PHYHIPL: variants seen among roughly 807,000 people sequenced by gnomAD.
The protein encoded by PHYHIPL is phytanoyl-CoA hydroxylase-interacting protein-like.
A neutral mutation model predicts 33.4 loss-of-function variants in PHYHIPL; 9 were observed. That is an observed-to-expected ratio of 0.27 (90% CI 0.16 to 0.47). PHYHIPL has a LOEUF of 0.47. PHYHIPL is among the 20% of genes least tolerant of loss of function. PHYHIPL has a pLI of 0.99. For missense variants in PHYHIPL, 365 were observed against 460.7 expected, an observed-to-expected ratio of 0.79 and a Z score of 1.90; for synonymous variants, 153 against 154.1, an observed-to-expected ratio of 0.99 and a Z score of 0.05.
intron 1 of PHYHIPL, chr10:59,221,608 C>G (rs1435648220): frequency 1.2e-6 from 1 of 869,110 alleles, no homozygotes; most frequent in Non-Finnish European, 1.4e-6. Flanking sequence ...AGTGTGAAGC[C>G]TTAATTTTGT....
chr10:59,240,298 G>A (rs960015144), intron 4 of PHYHIPL, among the ~76,000 whole-genome samples: 5 of 151,988 alleles, frequency 3.3e-5, no homozygotes, highest in African/African-American at 1.2e-4. Flanking sequence ...CAAGGAAGGT[G>A]TTTCTTTATA....
intron 1 of PHYHIPL, among the ~76,000 whole-genome samples, chr10:59,220,963 T>G (rs1485738763): frequency 1.3e-5 from 2 of 152,052 alleles, no homozygotes; most frequent in African/African-American, 4.8e-5. Flanking sequence ...AATAAGTGCT[T>G]AATAAATGTT....
At chr10:59,222,304 A>T (rs1230444392) in intron 1 of PHYHIPL, among the ~76,000 whole-genome samples, 2 of 152,170 alleles carry the variant, frequency 1.3e-5, no homozygotes, top group East Asian at 3.9e-4. Flanking sequence ...ACTGTAAAAA[A>T]TGCAGGTAAC....
rs970702138 is a variant in PHYHIPL at position 59,236,464 on chromosome 10, T to G, written c.304-19T>G. On this transcript the variant is annotated intron_variant, in intron 2 of 4. Transcript: ENST00000373880. Reference sequence around the variant, plus strand: ...GTCTCCCCTCATTTTTCTCTCTCTCTTCCTTCTTTCATTCCTAGGATGTTC... The same window carrying G: ...GTCTCCCCTCATTTTTCTCTCTCTCGTCCTTCTTTCATTCCTAGGATGTTC... 6.7e-7 allele frequency: 1 copy of G among 1,493,266 alleles called. No homozygotes were observed. The highest frequency in any genetic ancestry group is 9.1e-7 in the Non-Finnish European group (1 of 1,103,874). The allele number at this position is 1,493,266 out of a possible 1,614,324, so 92.5% of individuals were successfully genotyped here.
Position 59,217,275 on chromosome 10 carries a change from C to T in PHYHIPL, c.107-17029C>T, listed in dbSNP as rs76087531. 3.7e-4 allele frequency among the ~76,000 whole-genome samples: 57 copies of T among 152,040 alleles called. No individual in the cohort carries two copies. In the East Asian group the frequency reaches 0.01, roughly 27 times the overall value. ...TCAATGTGCTGATCAATTTTTTAAG[C>T]AGTGATATGAATACAAATAGAGCCT... On this transcript the variant is annotated intron_variant, in intron 1 of 4. Coordinates refer to ENST00000373880, the MANE Select transcript of PHYHIPL (RefSeq NM_032439.4).
At chr10:59,228,117 T>C (rs1056656068) in intron 1 of PHYHIPL, among the ~76,000 whole-genome samples, 1 of 151,874 alleles carries the variant, frequency 6.6e-6, no homozygotes, top group African/African-American at 2.4e-5. Context: ...TCTTCAAAGA[T>C]AAAAAAATAG....
chr10:59,221,753 T>C (rs1839783889), intron 1 of PHYHIPL: 1 of 879,780 alleles, frequency 1.1e-6, no homozygotes, highest in Non-Finnish European at 1.4e-6. Flanking sequence ...CTCAAATCTC[T>C]AAAATCCCTG....
intron 4 of PHYHIPL, among the ~76,000 whole-genome samples, chr10:59,243,391 C>T (rs1420429175): frequency 6.6e-6 from 1 of 152,084 alleles, no homozygotes; most frequent in Admixed American, 6.6e-5. Context: ...AAGGAAGTTT[C>T]TGAAACAGGA....
intron 3 of PHYHIPL, among the ~76,000 whole-genome samples, chr10:59,236,998 CT>C (rs57712085): frequency 0.21 from 30,370 of 141,482 alleles, 3,628 homozygotes; most frequent in African/African-American, 0.35. Flanking sequence ...CTTTTTTCTC[CT>C]TTTTTTTTTT....
intron 1 of PHYHIPL, chr10:59,177,210 C>G (rs969640316): frequency 9.4e-5 from 55 of 583,838 alleles, no homozygotes; most frequent in Admixed American, 1.0e-4. Context: ...CCGCCTTCGC[C>G]CGCCTGGCCC....
At chr10:59,198,163 C>T (rs956463616) in intron 1 of PHYHIPL, among the ~76,000 whole-genome samples, 2 of 152,134 alleles carry the variant, frequency 1.3e-5, no homozygotes, top group Non-Finnish European at 2.9e-5. Flanking sequence ...GTTAACTCAT[C>T]ATTTACATTA....
chr10:59,208,047 C>A (rs1042458222), intron 1 of PHYHIPL, among the ~76,000 whole-genome samples: 2 of 152,158 alleles, frequency 1.3e-5, no homozygotes, highest in Non-Finnish European at 2.9e-5. Context: ...AGAAGTGGAT[C>A]TCCCAGCACA....
chr10:59,232,486 A>C (rs1044769800), intron 1 of PHYHIPL, among the ~76,000 whole-genome samples: 2 of 151,988 alleles, frequency 1.3e-5, no homozygotes, highest in African/African-American at 4.8e-5. Context: ...AAAAAATCCA[A>C]AAAACAAAGT....
At chr10:59,200,765 T>A (rs1011208821) in intron 1 of PHYHIPL, among the ~76,000 whole-genome samples, 2 of 152,174 alleles carry the variant, frequency 1.3e-5, no homozygotes, top group African/African-American at 4.8e-5. Context: ...GCCATTCAAC[T>A]TCTTCCTGGT....
rs1028801762 is a variant in PHYHIPL, at chr10:59,176,797, C to G, written c.-57C>G. Reference sequence around the variant, plus strand: ...CCCTTTCCCGCTCTTCTTGCCCACCCGGCCGGCAGAGAGAGCCTGGATACG... The same window carrying G: ...CCCTTTCCCGCTCTTCTTGCCCACCGGGCCGGCAGAGAGAGCCTGGATACG... On this transcript the variant is annotated 5_prime_UTR_variant, in exon 1 of 5. Coordinates refer to ENST00000373880, the MANE Select transcript of PHYHIPL (RefSeq NM_032439.4). 1.7e-4 allele frequency: 250 copies of G among 1,493,816 alleles called. No individual in the cohort carries two copies. Among genetic ancestry groups the G allele is most frequent in the Non-Finnish European group, 1.7e-4 (187 of 1,093,342 alleles). 92.5% of individuals were successfully genotyped at this position (1,493,816 alleles called of 1,614,324 possible).
At chr10:59,196,975 TA>T (rs1838940312) in intron 1 of PHYHIPL, among the ~76,000 whole-genome samples, 1 of 152,198 alleles carries the variant, frequency 6.6e-6, no homozygotes, top group Non-Finnish European at 1.5e-5. Context: ...GCTCTGGAGG[TA>T]AACAGTTCAA....
intron 1 of PHYHIPL, chr10:59,221,536 T>C: frequency 7.9e-6 from 2 of 252,998 alleles, no homozygotes; most frequent in Non-Finnish European, 1.2e-5. Flanking sequence ...TAAAATTGAT[T>C]AGACAGTTTA....
chr10:59,233,058 A>T (rs776140621), intron 1 of PHYHIPL, among the ~76,000 whole-genome samples: 6 of 151,950 alleles, frequency 3.9e-5, no homozygotes, highest in Non-Finnish European at 8.8e-5. Flanking sequence ...GGAAATGTGG[A>T]GAAATGGGAC....
intron 1 of PHYHIPL, among the ~76,000 whole-genome samples, chr10:59,229,282 A>G (rs993611538): frequency 6.6e-6 from 1 of 152,196 alleles, no homozygotes; most frequent in Admixed American, 6.5e-5. Flanking sequence ...TAAAAGAGAA[A>G]TATTATGTGG....
Sources: gnomAD v4.1 joint callset for allele counts (sites outside exome capture counted in the v4.1 genomes callset) on GRCh38, gnomAD v4.1.1 for gene constraint, MANE v1.5 for transcripts, NCBI Gene and HGNC (gene_info 2026-07-23, HGNC 2026-07-21) for gene names.